The following MARK2 variants were observed in gnomAD, a reference collection of about 807,000 sequenced individuals.
MARK2 encodes serine/threonine-protein kinase MARK2.
In MARK2, 16 loss-of-function variants were observed where a neutral mutation model predicts 89.8. The ratio of observed to expected loss-of-function variants is 0.18; its 90% CI spans 0.12 to 0.27. The LOEUF (loss-of-function observed/expected upper bound fraction) is 0.27, where lower values mean the gene tolerates loss of function less well. Ranked by LOEUF, MARK2 falls within the 10% of genes least tolerant of loss-of-function variation. The pLI, the probability that MARK2 is intolerant of heterozygous loss-of-function variation, is 1.00. For missense variants in MARK2, 621 were observed against 1,049.9 expected (o/e 0.59, Z 5.65); for synonymous variants, 382 against 399.5 (o/e 0.96, Z 0.52).
At chr11:63,897,062 A>G (rs1940466914) in intron 3 of MARK2, among the ~76,000 whole-genome samples, 1 of 152,240 alleles carries the variant, frequency 6.6e-6, no homozygotes, top group African/African-American at 2.4e-5. Context: ...ATGTGATCTC[A>G]GCAATGATCC....
intron 16 of MARK2, among the ~76,000 whole-genome samples, 200 bp from the exon 17 acceptor site, chr11:63,905,888 G>A (rs1941284704): frequency 1.3e-5 from 2 of 152,186 alleles, no homozygotes; most frequent in African/African-American, 4.8e-5. Flanking sequence ...CCGAGCCCCA[G>A]AATGCAAGTG....
intron 3 of MARK2, 106 bp downstream of exon 3, chr11:63,895,739 G>A (rs1590668497): frequency 1.3e-5 from 13 of 988,760 alleles, no homozygotes; most frequent in Non-Finnish European, 1.9e-5. Context: ...GTGTGATCTC[G>A]GCTCACTGCA....
intron 1 of MARK2, among the ~76,000 whole-genome samples, chr11:63,885,718 C>G (rs1939354311): frequency 6.6e-6 from 1 of 151,956 alleles, no homozygotes; most frequent in Non-Finnish European, 1.5e-5. Context: ...CCTGTAATCC[C>G]AGCTATTTGG....
chr11:63,846,169 A>G (rs894046976), intron 1 of MARK2, among the ~76,000 whole-genome samples: 1 of 152,034 alleles, frequency 6.6e-6, no homozygotes, highest in Non-Finnish European at 1.5e-5. Flanking sequence ...TCCTCTGATA[A>G]GTATAAATAG....
At chr11:63,890,544 GC>G (rs1454207553) in intron 1 of MARK2, among the ~76,000 whole-genome samples, 1 of 152,214 alleles carries the variant, frequency 6.6e-6, no homozygotes, top group African/African-American at 2.4e-5. Flanking sequence ...GGCTAGAGGT[GC>G]TGGTGTCGGC....
chr11:63,858,218 G>A (rs1027532349), intron 1 of MARK2, among the ~76,000 whole-genome samples: 1 of 151,940 alleles, frequency 6.6e-6, no homozygotes, highest in Non-Finnish European at 1.5e-5. Context: ...GTAGAGACAG[G>A]GTTTTGCCAT....
intron 1 of MARK2, among the ~76,000 whole-genome samples, chr11:63,887,929 C>G (rs1284447237): frequency 6.6e-6 from 1 of 152,140 alleles, no homozygotes; most frequent in Non-Finnish European, 1.5e-5. Context: ...GATGAACGTT[C>G]AGAAGCAGGG....
chr11:63,904,946 T>C lies in MARK2; in HGVS notation c.1837T>C (p.Tyr613His), dbSNP rs1235423987. The change falls in exon 16 of 19, where the codon TAC becomes CAC. Residue 613 changes from tyrosine (Y) to histidine (H), a missense_variant. Coordinates refer to ENST00000402010, the MANE Select transcript of MARK2 (RefSeq NM_001039469.3). The surrounding 1 kb of genome is among the most constrained non-coding windows in gnomAD (Gnocchi z 6.3). ...RQVRDQQNLP[Y>H]GVTPASPSGH... ...GGTGCGGGACCAGCAGAATTTGCCC[T>C]ACGGTGTGACCCCAGCCTCTCCCTC... 2 of 1,614,244 alleles carry C rather than the reference T, an allele frequency of 1.2e-6. No individual in the cohort carries two copies. Among genetic ancestry groups the C allele is most frequent in the Non-Finnish European group, 1.7e-6 (2 of 1,180,050 alleles).
chr11:63,858,258 T>C (rs907725474), intron 1 of MARK2, among the ~76,000 whole-genome samples: 2 of 152,142 alleles, frequency 1.3e-5, no homozygotes, highest in Non-Finnish European at 2.9e-5. Context: ...TCAATTGATC[T>C]GCCTGCCTCG....
intron 1 of MARK2, among the ~76,000 whole-genome samples, chr11:63,867,026 A>T (rs887688291): frequency 6.6e-6 from 1 of 152,136 alleles, no homozygotes; most frequent in Non-Finnish European, 1.5e-5. Context: ...ATAAGGGTAC[A>T]GTTGTTTGTT....
rs1261833251 is a variant in MARK2, at chr11:63,839,472, A to T, written c.-35A>T. ...GCCTTCCCTTCCCTCCCTTCCTCCA[A>T]GCTTCTCGGTTCCCTCCCCCGAGAT... On this transcript the variant is annotated 5_prime_UTR_variant, in exon 1 of 19. It adds an upstream start codon to the 5' untranslated region. Coordinates refer to ENST00000402010, the MANE Select transcript of MARK2 (RefSeq NM_001039469.3). The T allele has an allele frequency of 1.4e-6, 2 of 1,426,818 alleles. No individual in the cohort carries two copies. Among genetic ancestry groups the T allele is most frequent in the African/African-American group, 1.4e-5 (1 of 69,012 alleles). 88.4% of individuals were successfully genotyped at this position (1,426,818 alleles called of 1,614,324 possible). A position where few individuals can be genotyped will look rare whatever the true frequency, so the allele number is the denominator to read the frequency against.
Position 63,909,579 on chromosome 11 carries a change from GA to G in MARK2, c.*348del. ...CCAAGAAATTTTTTATTACCAAAAA[GA>G]AAAAAGAAAAAAAAAATCCCAGCGG... is the stretch of plus-strand genomic sequence containing the variant. On this transcript the variant is annotated 3_prime_UTR_variant, in exon 19 of 19. Transcript: ENST00000402010. 1.1e-5 allele frequency: 2 copies of G among 176,184 alleles called. No homozygotes were observed. Among genetic ancestry groups the G allele is most frequent in the Middle Eastern group, 4.7e-3 (2 of 428 alleles). 10.9% of individuals were successfully genotyped at this position (176,184 alleles called of 1,614,324 possible).
rs1590700960 is a variant in MARK2 at position 63,903,862 on chromosome 11, G to A, written c.1515-124G>A. ...CTGACTTGCATCCCGCTGCTGCCCAGGCCTGACTTCTACCCTGCCAGAGCT... is the reference window on the plus strand; with the variant it reads ...CTGACTTGCATCCCGCTGCTGCCCAAGCCTGACTTCTACCCTGCCAGAGCT... On this transcript the variant is annotated intron_variant, in intron 14 of 18. Coordinates refer to ENST00000402010, the MANE Select transcript of MARK2 (RefSeq NM_001039469.3). This position sits in a 1 kb window ranked among gnomAD's most constrained non-coding sequence, Gnocchi z 5.1. 5 of 717,108 alleles carry A rather than the reference G, an allele frequency of 7.0e-6. No homozygotes were observed. Among genetic ancestry groups the A allele is most frequent in the Non-Finnish European group, 2.3e-6 (1 of 441,914 alleles). 44.4% of individuals were successfully genotyped at this position (717,108 alleles called of 1,614,324 possible). A position where few individuals can be genotyped will look rare whatever the true frequency, so the allele number is the denominator to read the frequency against.
chr11:63,850,820 G>A (rs116561849), intron 1 of MARK2, among the ~76,000 whole-genome samples: 150 of 151,800 alleles, frequency 9.9e-4, no homozygotes, highest in African/African-American at 3.4e-3. Flanking sequence ...TTCTTTTCTC[G>A]TCTTTTCTTT....
At chr11:63,883,176 G>A (rs982481600) in intron 1 of MARK2, among the ~76,000 whole-genome samples, 1 of 152,196 alleles carries the variant, frequency 6.6e-6, no homozygotes, top group Admixed American at 6.5e-5. Context: ...TCTGGGAGGA[G>A]GGAGTTAAGG....
At chr11:63,898,723 C>T (rs775258948) in intron 5 of MARK2, 40 bp from the exon 6 acceptor site, 2 of 1,611,356 alleles carry the variant, frequency 1.2e-6, no homozygotes, top group Admixed American at 3.3e-5. Context: ...CTTCCACCTC[C>T]AGCCAGCTCT....
At chr11:63,861,977 G>A (rs1401945827) in intron 1 of MARK2, among the ~76,000 whole-genome samples, 2 of 141,224 alleles carry the variant, frequency 1.4e-5, no homozygotes, top group Non-Finnish European at 3.0e-5. Flanking sequence ...AGGCTAGAGT[G>A]CAGTGGCACT....
At chr11:63,895,738 C>T (rs545664452) in intron 3 of MARK2, 105 bp downstream of exon 3, 25 of 981,508 alleles carry the variant, frequency 2.5e-5, no homozygotes, top group South Asian at 1.6e-4. Flanking sequence ...GGTGTGATCT[C>T]GGCTCACTGC....
intron 1 of MARK2, among the ~76,000 whole-genome samples, chr11:63,860,455 G>T (rs1433898222): frequency 6.6e-6 from 1 of 151,772 alleles, no homozygotes; most frequent in Non-Finnish European, 1.5e-5. Flanking sequence ...GGGAGGCTAA[G>T]GCAGGAGAAT....
Sources: gnomAD v4.1 joint callset for allele counts (sites outside exome capture counted in the v4.1 genomes callset) on GRCh38, gnomAD v4.1.1 for gene constraint, Gnocchi (gnomAD v3.1) non-coding constraint, MANE v1.5 for transcripts, NCBI Gene and HGNC (gene_info 2026-07-23, HGNC 2026-07-21) for gene names.